The following AGBL4 variants were observed in gnomAD, a reference collection of about 807,000 sequenced individuals.
The protein encoded by AGBL4 is AGBL carboxypeptidase 4.
In AGBL4, 58 loss-of-function variants were observed where a neutral mutation model predicts 66.4. The observed-to-expected ratio is 0.87, with a 90% CI of 0.71 to 1.09. AGBL4 has a LOEUF of 1.09. Among genes scored for constraint, AGBL4 ranks in the 50% least tolerant of loss-of-function variants. AGBL4 has a pLI of 0.00. For synonymous variants in AGBL4, 234 were observed against 222.9 expected, an observed-to-expected ratio of 1.05 and a Z score of -0.44; for missense variants, 579 against 631.0, an observed-to-expected ratio of 0.92 and a Z score of 0.88.
Position 49,755,326 on chromosome 1 carries a change from G to GA in AGBL4, c.158-57890dup, listed in dbSNP as rs541118929. 3.8e-4 allele frequency among the ~76,000 whole-genome samples: 57 copies of GA among 151,176 alleles called. 1 individual carries two copies. The South Asian group carries it at 9.6e-3, about 26-fold the overall frequency. On this transcript the variant is annotated intron_variant, in intron 2 of 13. Transcript: ENST00000371839. ...ACCTTAAGGTTTATTCCACTTTAAA[G>GA]AAAAAAAAATCAATAATGCCCAAAT...
At chr1:49,162,848 C>T (rs1033211517) in intron 4 of AGBL4, among the ~76,000 whole-genome samples, 2 of 152,094 alleles carry the variant, frequency 1.3e-5, no homozygotes, top group African/African-American at 4.8e-5. Flanking sequence ...AAAATGATAG[C>T]ACAGCAATTA....
intron 1 of AGBL4, among the ~76,000 whole-genome samples, chr1:49,917,296 G>A (rs1336200210): frequency 6.6e-6 from 1 of 151,298 alleles, no homozygotes; most frequent in East Asian, 1.9e-4. Context: ...CTGGCAAATT[G>A]GATAAACACT....
chr1:49,796,649 A>G (rs1399711603), intron 2 of AGBL4, among the ~76,000 whole-genome samples: 2 of 151,614 alleles, frequency 1.3e-5, no homozygotes, highest in East Asian at 3.9e-4. Context: ...CCATTCAGAA[A>G]AGAACTATGT....
chr1:49,830,658 T>C (rs1449169786), intron 2 of AGBL4, among the ~76,000 whole-genome samples: 4 of 152,160 alleles, frequency 2.6e-5, no homozygotes, highest in Admixed American at 6.5e-5. Context: ...TTGCTTTTGG[T>C]GTTTCAGTCA....
chr1:49,680,053 T>C (rs144495621), intron 3 of AGBL4, among the ~76,000 whole-genome samples: 8,857 of 144,616 alleles, frequency 0.061, 861 homozygotes, highest in African/African-American at 0.21. Flanking sequence ...TCTTCCCTTT[T>C]TTTTTTTTTT....
At chr1:49,523,812 C>A (rs1264081403) in intron 3 of AGBL4, among the ~76,000 whole-genome samples, 1 of 152,126 alleles carries the variant, frequency 6.6e-6, no homozygotes, top group Non-Finnish European at 1.5e-5. Context: ...TCCCTGCACT[C>A]AGCCTAAACT....
At chr1:49,526,407 C>T (rs1343590579) in intron 3 of AGBL4, among the ~76,000 whole-genome samples, 2 of 151,972 alleles carry the variant, frequency 1.3e-5, no homozygotes, top group African/African-American at 4.8e-5. Context: ...ATAGAAACTT[C>T]TAAACTGTGA....
At chr1:48,565,003 TC>T (rs1281410055) in intron 11 of AGBL4, among the ~76,000 whole-genome samples, 2 of 152,166 alleles carry the variant, frequency 1.3e-5, no homozygotes, top group Admixed American at 1.3e-4. Context: ...TGCTGTCTCC[TC>T]CCCTTTGGAC....
chr1:48,952,187 G>C (rs77823874), intron 5 of AGBL4, among the ~76,000 whole-genome samples: 1 of 152,192 alleles, frequency 6.6e-6, no homozygotes, highest in Non-Finnish European at 1.5e-5. Context: ...TGAATAACAC[G>C]TTTATCCATT....
intron 11 of AGBL4, among the ~76,000 whole-genome samples, chr1:48,567,327 G>A (rs1023131505): frequency 1.3e-5 from 2 of 152,108 alleles, no homozygotes. Flanking sequence ...ACATTCCTGG[G>A]GTCCCAGAGG....
At chr1:49,531,968 A>G (rs1464660109) in intron 3 of AGBL4, among the ~76,000 whole-genome samples, 1 of 152,136 alleles carries the variant, frequency 6.6e-6, no homozygotes, top group Non-Finnish European at 1.5e-5. Flanking sequence ...GGTATATACA[A>G]TACACTCTAT....
chr1:48,705,157 G>C (rs1646862620), intron 6 of AGBL4, among the ~76,000 whole-genome samples: 1 of 152,102 alleles, frequency 6.6e-6, no homozygotes, highest in South Asian at 2.1e-4. Context: ...TTTAAAGCAT[G>C]CATTAGGGAA....
intron 3 of AGBL4, among the ~76,000 whole-genome samples, chr1:49,535,809 A>G (rs1651529486): frequency 6.6e-6 from 1 of 152,094 alleles, no homozygotes; most frequent in African/African-American, 2.4e-5. Context: ...CTCCTGCCTC[A>G]GCCTCCCAAG....
intron 1 of AGBL4, among the ~76,000 whole-genome samples, chr1:49,854,911 C>T (rs1195847445): frequency 6.6e-6 from 1 of 152,190 alleles, no homozygotes; most frequent in Non-Finnish European, 1.5e-5. Context: ...AACCTGAATG[C>T]ACCATCAGAG....
chr1:48,926,532 G>A (rs564019293), intron 5 of AGBL4, among the ~76,000 whole-genome samples: 343 of 151,156 alleles, frequency 2.3e-3, no homozygotes, highest in African/African-American at 7.7e-3. Flanking sequence ...CAATTGATCC[G>A]CCCACCTCGG....
chr1:49,100,428 C>T (rs1166529382), intron 4 of AGBL4, among the ~76,000 whole-genome samples: 2 of 152,198 alleles, frequency 1.3e-5, no homozygotes, highest in African/African-American at 4.8e-5. Context: ...CTCCCAGGAA[C>T]TGGGGCAATA....
At chr1:48,677,691 T>C (rs1423977433) in intron 6 of AGBL4, among the ~76,000 whole-genome samples, 3 of 152,164 alleles carry the variant, frequency 2.0e-5, no homozygotes, top group African/African-American at 7.2e-5. Context: ...GCTTGATGCC[T>C]CACTTATCCA....
chr1:49,053,187 G>C (rs910585692), intron 4 of AGBL4, among the ~76,000 whole-genome samples: 2 of 152,130 alleles, frequency 1.3e-5, no homozygotes, highest in Admixed American at 1.3e-4. Flanking sequence ...GTTTGAAATG[G>C]ACAGAGCAAG....
rs1023777938 is a variant in AGBL4 at position 48,953,665 on chromosome 1, AG to A, written c.595-86436del. On this transcript the variant is annotated intron_variant, in intron 5 of 13. Transcript: ENST00000371839. ...GAAAGTGAGGTTTTTTCCTTCTTTC[AG>A]TTGCACAGACTTCTATCCATCTGAT... Among the ~76,000 whole-genome samples, 45 of 152,288 alleles carry A rather than the reference AG, an allele frequency of 3.0e-4. 1 individual carries two copies. The highest frequency in any genetic ancestry group is 1.0e-3 in the African/African-American group (43 of 41,558).
Sources: gnomAD v4.1 joint callset for allele counts (sites outside exome capture counted in the v4.1 genomes callset) on GRCh38, gnomAD v4.1.1 for gene constraint, MANE v1.5 for transcripts, NCBI Gene and HGNC (gene_info 2026-07-23, HGNC 2026-07-21) for gene names.